Variants in MRE11 observed in about 807,000 individuals in gnomAD.
MRE11 encodes MRE11 double strand break repair nuclease.
MRE11 carries 62 observed loss-of-function variants against 91.7 expected under a neutral mutation model. The ratio of observed to expected loss-of-function variants is 0.68; its 90% confidence interval spans 0.55 to 0.84. The LOEUF is 0.84. MRE11 is among the 40% of genes least tolerant of loss of function. The pLI, the probability that MRE11 is intolerant of heterozygous loss-of-function variation, is 0.00. For missense variants in MRE11, 796 were observed against 852.9 expected, an observed-to-expected ratio of 0.93 and a Z score of 0.83; for synonymous variants, 273 against 271.4, an observed-to-expected ratio of 1.01 and a Z score of -0.06.
intron 10 of MRE11, among the ~76,000 whole-genome samples, chr11:94,466,895 C>T (rs73517535): frequency 7.2e-4 from 110 of 152,186 alleles, no homozygotes; most frequent in African/African-American, 2.6e-3. Context: ...AGGAGGTCTA[C>T]GTAAAGATTT....
At chr11:94,441,312 G>T (rs1400834112) in intron 16 of MRE11, among the ~76,000 whole-genome samples, 1 of 152,182 alleles carries the variant, frequency 6.6e-6, no homozygotes, top group Non-Finnish European at 1.5e-5. Context: ...TTACAAGTAC[G>T]TATCAAATGA....
chr11:94,486,729 G>A (rs904003255), intron 3 of MRE11, among the ~76,000 whole-genome samples: 4 of 152,154 alleles, frequency 2.6e-5, no homozygotes, highest in Non-Finnish European at 4.4e-5. Context: ...TGAACTCAAG[G>A]GAGGACAATT....
intron 11 of MRE11, among the ~76,000 whole-genome samples, chr11:94,461,634 G>A (rs894181398): frequency 1.3e-5 from 2 of 152,164 alleles, no homozygotes; most frequent in South Asian, 4.1e-4. Flanking sequence ...AATCAGGCAG[G>A]AGAAATAAAG....
the MRE11 span, among the ~76,000 whole-genome samples, chr11:94,508,592 G>C: frequency 6.6e-6 from 1 of 152,004 alleles, no homozygotes; most frequent in Non-Finnish European, 1.5e-5. Flanking sequence ...ATCATATTTA[G>C]TTGGGTCTGT....
chr11:94,420,210 T>C, intron 19 of MRE11, 29 bp from the exon 20 acceptor site: 1 of 1,553,332 alleles, frequency 6.4e-7, no homozygotes, highest in Non-Finnish European at 8.8e-7. Flanking sequence ...GTTGTATTAG[T>C]GATTGTTCCC....
At chr11:94,512,342 A>C in the MRE11 span, 7 of 454,476 alleles carry the variant, frequency 1.5e-5, no homozygotes, top group African/African-American at 1.0e-4. Flanking sequence ...CAATGATAAT[A>C]ATAACCCCAG....
intron 16 of MRE11, among the ~76,000 whole-genome samples, chr11:94,442,145 G>A (rs1945798430): frequency 6.6e-6 from 1 of 152,066 alleles, no homozygotes; most frequent in Admixed American, 6.6e-5. Flanking sequence ...GGTAACATCT[G>A]AAGGGATAAT....
chr11:94,445,975 A>C, intron 15 of MRE11, 82 bp from the exon 16 acceptor site: 1 of 1,005,650 alleles, frequency 9.9e-7, no homozygotes, highest in Non-Finnish European at 1.6e-6. Context: ...ATGAAAGCTA[A>C]ATAAACTTAT....
chr11:94,438,770 G>A (rs979027510), intron 16 of MRE11, among the ~76,000 whole-genome samples: 2 of 152,186 alleles, frequency 1.3e-5, no homozygotes, highest in Admixed American at 6.5e-5. Flanking sequence ...GCTTGACTAT[G>A]GCCAAGCTCC....
At chr11:94,509,564 T>C in the MRE11 span, among the ~76,000 whole-genome samples, 1 of 152,078 alleles carries the variant, frequency 6.6e-6, no homozygotes, top group Admixed American at 6.6e-5. Flanking sequence ...TGCCTCAGCC[T>C]CCGGAGTAGC....
At chr11:94,448,526 G>A (rs117963478) in intron 14 of MRE11, among the ~76,000 whole-genome samples, 4,131 of 152,194 alleles carry the variant, frequency 0.027, 113 homozygotes, top group Admixed American at 0.085. Flanking sequence ...AAGCCTGGGG[G>A]AAGCAGTGGG....
chr11:94,477,182 T>C (rs1055124254), intron 6 of MRE11, among the ~76,000 whole-genome samples: 1 of 152,204 alleles, frequency 6.6e-6, no homozygotes, highest in African/African-American at 2.4e-5. Flanking sequence ...ACCATCCCTT[T>C]GTTATAAATT....
chr11:94,476,459 G>A (rs1282695517), intron 6 of MRE11, 56 bp from the exon 7 acceptor site: 1 of 1,193,988 alleles, frequency 8.4e-7, no homozygotes, highest in African/African-American at 1.5e-5. Flanking sequence ...CTTAAAAAAT[G>A]AATCTATTTT....
At chr11:94,442,155 T>A (rs143808758) in intron 16 of MRE11, among the ~76,000 whole-genome samples, 3 of 151,958 alleles carry the variant, frequency 2.0e-5, no homozygotes, top group Non-Finnish European at 2.9e-5. Flanking sequence ...GAAGGGATAA[T>A]AGCTAAGGAT....
At chr11:94,446,183 G>T (rs1281747745) in intron 15 of MRE11, among the ~76,000 whole-genome samples, 2 of 152,170 alleles carry the variant, frequency 1.3e-5, no homozygotes, top group African/African-American at 4.8e-5. Flanking sequence ...AGAGGCGGGA[G>T]GATCACTTGA....
At chr11:94,506,912 TA>T in the MRE11 span, among the ~76,000 whole-genome samples, 3 of 152,192 alleles carry the variant, frequency 2.0e-5, no homozygotes, top group Admixed American at 2.0e-4. Flanking sequence ...GTTTTGTGCA[TA>T]TTTTTTAATT....
intron 19 of MRE11, among the ~76,000 whole-genome samples, chr11:94,423,929 T>C (rs1465266404): frequency 6.6e-6 from 1 of 152,160 alleles, no homozygotes; most frequent in Non-Finnish European, 1.5e-5. Flanking sequence ...AGTGCAGGAA[T>C]GGGACATGCC....
chr11:94,490,619 T>G (rs1219567314), intron 3 of MRE11, among the ~76,000 whole-genome samples: 2 of 152,202 alleles, frequency 1.3e-5, no homozygotes, highest in Non-Finnish European at 2.9e-5. Flanking sequence ...CCAAAAACAT[T>G]TGTAAATTTT....
upstream of MRE11, chr11:94,496,503 T>G: frequency 5.7e-6 from 3 of 529,932 alleles, no homozygotes; most frequent in Non-Finnish European, 3.2e-6. Flanking sequence ...AAAACAAGAG[T>G]TTAGACAGGG....
Sources: allele counts gnomAD v4.1 joint callset (sites outside exome capture counted in the v4.1 genomes callset), GRCh38; gene constraint gnomAD v4.1.1; transcripts MANE v1.5; gene names NCBI Gene and HGNC (gene_info 2026-07-23, HGNC 2026-07-21).